Variants in ELAVL2 observed in about 807,000 individuals in gnomAD.
ELAVL2 encodes ELAV-like protein 2.
Under a neutral mutation model 34.6 loss-of-function variants are expected in ELAVL2, and 4 were observed. That is an observed-to-expected ratio of 0.12 (90% CI 0.06 to 0.26). ELAVL2 has a LOEUF of 0.26. Among genes scored for constraint, ELAVL2 ranks in the 10% least tolerant of loss-of-function variants. ELAVL2 has a pLI of 1.00. For missense variants in ELAVL2, 432 were observed against 442.8 expected (o/e 0.98, Z 0.22); for synonymous variants, 193 against 154.8 (o/e 1.25, Z -1.83).
chr9:23,815,935 A>G (rs1186697108), intron 1 of ELAVL2, among the ~76,000 whole-genome samples: 1 of 152,152 alleles, frequency 6.6e-6, no homozygotes, highest in Admixed American at 6.5e-5. Context: ...AAAGAATGCT[A>G]AAGGCCCACA....
intron 5 of ELAVL2, among the ~76,000 whole-genome samples, chr9:23,698,770 C>A (rs979260804): frequency 2.6e-5 from 4 of 152,114 alleles, no homozygotes; most frequent in Non-Finnish European, 5.9e-5. Context: ...GGGCGGAAAT[C>A]AAGATAATGA....
intron 2 of ELAVL2, among the ~76,000 whole-genome samples, chr9:23,754,849 G>A (rs2053150222): frequency 6.6e-6 from 1 of 152,112 alleles, no homozygotes; most frequent in South Asian, 2.1e-4. Context: ...CTCCCTAAAA[G>A]CAGAGTATAA....
intron 1 of ELAVL2, among the ~76,000 whole-genome samples, chr9:23,805,096 T>C (rs900850088): frequency 1.6e-4 from 25 of 151,888 alleles, no homozygotes; most frequent in African/African-American, 6.1e-4. Context: ...AATTTCAAAA[T>C]GGAAGTGAAA....
the ELAVL2 span, among the ~76,000 whole-genome samples, chr9:23,837,426 T>C: frequency 6.6e-6 from 1 of 152,194 alleles, no homozygotes; most frequent in African/African-American, 2.4e-5. Flanking sequence ...ACTTCATGAT[T>C]CCCAGGAGAA....
At chr9:23,771,120 T>C (rs1003826916) in intron 1 of ELAVL2, among the ~76,000 whole-genome samples, 1 of 152,144 alleles carries the variant, frequency 6.6e-6, no homozygotes, top group African/African-American at 2.4e-5. Context: ...AACAGACCAG[T>C]CAAGAAGCAA....
At chr9:23,815,631 G>C (rs945568083) in intron 1 of ELAVL2, among the ~76,000 whole-genome samples, 3 of 152,138 alleles carry the variant, frequency 2.0e-5, no homozygotes, top group Non-Finnish European at 4.4e-5. Context: ...CGTGGTCCTT[G>C]AGATGGGGAG....
chr9:23,763,281 G>A (rs532148622), intron 1 of ELAVL2, among the ~76,000 whole-genome samples: 1 of 152,050 alleles, frequency 6.6e-6, no homozygotes, highest in Non-Finnish European at 1.5e-5. Context: ...CACTTATTAA[G>A]CAGTATTAAA....
At chr9:23,806,414 T>C (rs1276990694) in intron 1 of ELAVL2, among the ~76,000 whole-genome samples, 1 of 152,008 alleles carries the variant, frequency 6.6e-6, no homozygotes, top group African/African-American at 2.4e-5. Flanking sequence ...AGCAGAAGGA[T>C]CCCTTGAGCC....
chr9:23,727,275 C>A (rs1403641694), intron 3 of ELAVL2, among the ~76,000 whole-genome samples: 1 of 152,050 alleles, frequency 6.6e-6, no homozygotes, highest in Non-Finnish European at 1.5e-5. Context: ...GAGACTTTAA[C>A]CTGTATCTGC....
chr9:23,821,255 T>C (rs1394731124), intron 1 of ELAVL2: 2 of 152,336 alleles, frequency 1.3e-5, no homozygotes, highest in East Asian at 2.0e-4. Context: ...CTTCTTGCGC[T>C]ACACGCGGCC....
At chr9:23,719,049 T>C (rs2043014145) in intron 3 of ELAVL2, among the ~76,000 whole-genome samples, 1 of 152,152 alleles carries the variant, frequency 6.6e-6, no homozygotes, top group Non-Finnish European at 1.5e-5. Flanking sequence ...AAAGAGACCA[T>C]ATCATTGCCA....
At chr9:23,816,317 T>TA (rs10717104) in intron 1 of ELAVL2, among the ~76,000 whole-genome samples, 8,791 of 44,796 alleles carry the variant, frequency 0.2, 964 homozygotes, top group South Asian at 0.31. Flanking sequence ...AAGCTTTCAG[T>TA]AAAAAAAAAA....
At chr9:23,808,969 C>T (rs984793924) in intron 1 of ELAVL2, among the ~76,000 whole-genome samples, 60 of 152,072 alleles carry the variant, frequency 3.9e-4, no homozygotes, top group African/African-American at 1.4e-3. Context: ...TTTAAGGAAA[C>T]ACAACAAAAA....
intron 3 of ELAVL2, among the ~76,000 whole-genome samples, chr9:23,724,644 T>C (rs1252002600): frequency 1.3e-5 from 2 of 152,146 alleles, no homozygotes; most frequent in African/African-American, 4.8e-5. Context: ...ACTATGTAAA[T>C]GGGACTCAAT....
chr9:23,720,619 A>T (rs2134056984), intron 3 of ELAVL2, among the ~76,000 whole-genome samples: 1 of 152,368 alleles, frequency 6.6e-6, no homozygotes, highest in Admixed American at 6.5e-5. Context: ...TGTGTGTGAG[A>T]ACGTGCATTA....
chr9:23,846,036 G>A, the ELAVL2 span, among the ~76,000 whole-genome samples: 2 of 151,688 alleles, frequency 1.3e-5, no homozygotes, highest in Non-Finnish European at 3.0e-5. Context: ...CCACATCTAA[G>A]CTAATAAACC....
At chr9:23,824,852 T>C (rs1459988961) in intron 1 of ELAVL2, among the ~76,000 whole-genome samples, 2 of 151,788 alleles carry the variant, frequency 1.3e-5, no homozygotes, top group Non-Finnish European at 2.9e-5. Context: ...GTGGGGGCGG[T>C]AAGGAGGGGG....
intron 5 of ELAVL2, among the ~76,000 whole-genome samples, chr9:23,694,656 G>A (rs1338829563): frequency 2.0e-5 from 3 of 152,196 alleles, no homozygotes; most frequent in East Asian, 3.9e-4. Context: ...ACATGCAAAA[G>A]CCAACACCTT....
At chr9:23,752,669 G>C (rs567932024) in intron 2 of ELAVL2, among the ~76,000 whole-genome samples, 63 of 152,132 alleles carry the variant, frequency 4.1e-4, no homozygotes, top group Middle Eastern at 6.8e-3. Flanking sequence ...TGGCCAGGCT[G>C]GCCTTGATCT....
Sources: allele counts gnomAD v4.1 joint callset (sites outside exome capture counted in the v4.1 genomes callset), GRCh38; gene constraint gnomAD v4.1.1; transcripts MANE v1.5; gene names NCBI Gene and HGNC (gene_info 2026-07-23, HGNC 2026-07-21).